SULT1C2: variants seen among roughly 807,000 people sequenced by gnomAD.
SULT1C2 encodes the protein sulfotransferase family 1C member 2, also known as sulfotransferase 1C2.
A neutral mutation model predicts 36.0 loss-of-function variants in SULT1C2; 27 were observed. The observed-to-expected ratio is 0.75, with a 90% CI of 0.55 to 1.03. SULT1C2 has a LOEUF of 1.03. Ranked by LOEUF, SULT1C2 falls within the 50% of genes least tolerant of loss-of-function variation. The pLI, the probability that SULT1C2 is intolerant of heterozygous loss-of-function variation, is 0.00. For missense variants in SULT1C2, 395 were observed against 359.2 expected, an observed-to-expected ratio of 1.10 and a Z score of -0.80; for synonymous variants, 121 against 116.0, an observed-to-expected ratio of 1.04 and a Z score of -0.27.
Position 108,305,245 on chromosome 2 carries a change from C to A in SULT1C2, c.576C>A (p.Leu192=). ...EMKDRHQILF[L]FYEDIKRDPK... ...AAGACAGACACCAGATTCTCTTCCTCTTCTATGAGGACATAAAGAGGGTGA... is the reference window on the plus strand; with the variant it reads ...AAGACAGACACCAGATTCTCTTCCTATTCTATGAGGACATAAAGAGGGTGA... The change falls in exon 6 of 8, where the codon CTC becomes CTA. Residue 192 remains leucine (L), a synonymous_variant. Coordinates refer to ENST00000251481, the MANE Select transcript of SULT1C2 (RefSeq NM_001056.4). The A allele has an allele frequency of 6.2e-7, 1 of 1,614,182 alleles. No homozygotes were observed. The highest frequency in any genetic ancestry group is 8.5e-7 in the Non-Finnish European group (1 of 1,180,028).
chr2:108,303,931 T>C (rs2104422460), intron 4 of SULT1C2: 1 of 152,334 alleles, frequency 6.6e-6, no homozygotes, highest in African/African-American at 2.4e-5. Flanking sequence ...TAGCTGGTCA[T>C]AGATCTGAGA....
chr2:108,301,083 A>T (rs1403172222), intron 4 of SULT1C2, 148 bp downstream of exon 4: 2 of 998,530 alleles, frequency 2.0e-6, no homozygotes, highest in Non-Finnish European at 1.4e-6. Context: ...AAAGTTCTAC[A>T]TTCAGCAGGA....
chr2:108,291,117 C>T (rs1233347072), intron 1 of SULT1C2, among the ~76,000 whole-genome samples: 1 of 152,194 alleles, frequency 6.6e-6, no homozygotes, highest in Non-Finnish European at 1.5e-5. Flanking sequence ...AATTCAGATT[C>T]ATGTGGCTGT....
chr2:108,291,181 G>T (rs140358172), intron 1 of SULT1C2, among the ~76,000 whole-genome samples: 71 of 152,256 alleles, frequency 4.7e-4, no homozygotes, highest in African/African-American at 1.6e-3. Context: ...GCTTCTGGAG[G>T]TCATGCCTTG....
intron 4 of SULT1C2, 127 bp from the exon 5 acceptor site, chr2:108,304,447 C>A: frequency 9.8e-7 from 1 of 1,021,078 alleles, no homozygotes; most frequent in Non-Finnish European, 1.4e-6. Context: ...AAGGCCAAGT[C>A]GCAGGGCCAG....
intron 7 of SULT1C2, among the ~76,000 whole-genome samples, chr2:108,307,320 A>G (rs1462646881): frequency 6.6e-6 from 1 of 152,180 alleles, no homozygotes; most frequent in East Asian, 1.9e-4. Context: ...ACCATAATGA[A>G]AGCTTGCTCC....
intron 1 of SULT1C2, among the ~76,000 whole-genome samples, chr2:108,292,216 G>A (rs539982330): frequency 3.5e-4 from 54 of 152,262 alleles, no homozygotes; most frequent in Admixed American, 1.3e-3. Context: ...TCAGCCCAGC[G>A]TTGGCAAATT....
rs1676993122 is a variant in SULT1C2, at chr2:108,305,276, G to C, written c.597+10G>C. The C allele has an allele frequency of 6.2e-7, 1 of 1,613,966 alleles. No homozygotes were observed. The highest frequency in any genetic ancestry group is 1.3e-5 in the African/African-American group (1 of 74,904). ...TGAGGACATAAAGAGGGTGAGTGAA[G>C]GCTCTGCAGAAGAACCATTTTAAAG... On this transcript the variant is annotated intron_variant, in intron 6 of 7. Transcript: ENST00000251481.
chr2:108,295,077 C>T (rs1676690258), intron 3 of SULT1C2, among the ~76,000 whole-genome samples: 1 of 152,306 alleles, frequency 6.6e-6, no homozygotes, highest in East Asian at 1.9e-4. Flanking sequence ...GCAGCTCTAG[C>T]ATGAAGTCTA....
intron 4 of SULT1C2, chr2:108,304,338 C>G (rs1391559568): frequency 2.6e-6 from 1 of 387,106 alleles, no homozygotes; most frequent in Non-Finnish European, 4.6e-6. Flanking sequence ...CAATCTAATC[C>G]TCACCAATCC....
rs1676650186 is a variant in SULT1C2, at chr2:108,293,607, C to T, written c.-21-40C>T. The T allele has an allele frequency of 1.0e-5, 16 of 1,529,320 alleles. No homozygotes were observed. The South Asian group carries it at 1.6e-4, about 15-fold the overall frequency. 94.7% of individuals were successfully genotyped at this position (1,529,320 alleles called of 1,614,324 possible). On this transcript the variant is annotated intron_variant, in intron 1 of 7. Coordinates refer to ENST00000251481, the MANE Select transcript of SULT1C2 (RefSeq NM_001056.4). ...CAATTTTATGTTATGTATATTTTAC[C>T]ACAACTTCTTTAAAAATCTCCTCTA...
At position 108,298,313 on chromosome 2, in the gene SULT1C2, C is replaced by T. The variant is rs1275324914; in HGVS notation, c.278-2525C>T. Among the ~76,000 whole-genome samples the T allele has an allele frequency of 4.3e-4, 66 of 152,186 alleles. 4 individuals are homozygous for T. Among genetic ancestry groups the T allele is most frequent in the Admixed American group, 4.3e-3 (66 of 15,270 alleles). ...GTTTTCATGTCCAAACACTATAAAT[C>T]TTCCCAGTCTTTTTAGTAGTCTCTT... On this transcript the variant is annotated intron_variant, in intron 3 of 7. Transcript: ENST00000251481.
Position 108,300,939 on chromosome 2 carries a change from A to G in SULT1C2, c.375+4A>G, listed in dbSNP as rs756757832. 6 of 1,614,032 alleles carry G rather than the reference A, an allele frequency of 3.7e-6. No individual in the cohort carries two copies. The Admixed American group carries it at 8.3e-5, about 22-fold the overall frequency. On this transcript the variant is annotated splice_donor_region_variant and intron_variant, in intron 4 of 7. Transcript: ENST00000251481. Reference sequence around the variant, plus strand: ...TTTCTGGGAAAACAACTGCAAGGTAAGATACCAACAGCTCCCTGTGACAGA... The same window carrying G: ...TTTCTGGGAAAACAACTGCAAGGTAGGATACCAACAGCTCCCTGTGACAGA...
chr2:108,304,832 C>A (rs1017397990), intron 5 of SULT1C2, 132 bp downstream of exon 5: 10 of 1,278,198 alleles, frequency 7.8e-6, no homozygotes, highest in African/African-American at 1.5e-5. Context: ...TGGGACTGGG[C>A]AGAGCAAGCT....
At chr2:108,302,822 T>C (rs938522546) in intron 4 of SULT1C2, 2 of 151,978 alleles carry the variant, frequency 1.3e-5, no homozygotes, top group African/African-American at 2.4e-5. Flanking sequence ...TATAAAATCA[T>C]GGAAATTAAA....
intron 4 of SULT1C2, chr2:108,303,562 G>T (rs1676944496): frequency 6.6e-6 from 1 of 152,258 alleles, no homozygotes; most frequent in Non-Finnish European, 1.5e-5. Context: ...CCCAACAGTG[G>T]AAGTGTTGGG....
chr2:108,289,812 T>C (rs1156943726), intron 1 of SULT1C2, among the ~76,000 whole-genome samples: 1 of 152,180 alleles, frequency 6.6e-6, no homozygotes, highest in African/African-American at 2.4e-5. Flanking sequence ...CTGCTCCCAC[T>C]GCACTACCCA....
chr2:108,304,957 A>G (rs778540463), intron 5 of SULT1C2, among the ~76,000 whole-genome samples: 2 of 152,236 alleles, frequency 1.3e-5, no homozygotes, highest in Non-Finnish European at 2.9e-5. Context: ...ATTGCACATA[A>G]TAGGAAGCCA....
chr2:108,293,873 C>A, intron 2 of SULT1C2, 55 bp downstream of exon 2: 2 of 1,576,680 alleles, frequency 1.3e-6, no homozygotes, highest in South Asian at 2.3e-5. Context: ...ACAGGCTCAT[C>A]ACTTAAGTTA....
Sources: gnomAD v4.1 joint callset for allele counts (sites outside exome capture counted in the v4.1 genomes callset) on GRCh38, gnomAD v4.1.1 for gene constraint, MANE v1.5 for transcripts, NCBI Gene and HGNC (gene_info 2026-07-23, HGNC 2026-07-21) for gene names.